TMEM59L: variants seen among roughly 807,000 people sequenced by gnomAD.
TMEM59L encodes transmembrane protein 59 like, also known as transmembrane protein 59-like.
TMEM59L carries 31 observed loss-of-function variants against 39.6 expected under a neutral mutation model. The observed-to-expected ratio is 0.78, with a 90% CI of 0.59 to 1.06. The LOEUF is 1.06. TMEM59L is among the 50% of genes least tolerant of loss of function. TMEM59L has a pLI of 0.00. For missense variants in TMEM59L, 441 were observed against 451.3 expected (o/e 0.98, Z 0.21); for synonymous variants, 219 against 202.9 (o/e 1.08, Z -0.68).
chr19:18,617,677 AGGG>A (rs766648091), intron 5 of TMEM59L: 18 of 440,788 alleles, frequency 4.1e-5, no homozygotes, highest in Non-Finnish European at 5.4e-5. Flanking sequence ...TTCATCTCCC[AGGG>A]TTCTGTGGCC....
intron 5 of TMEM59L, 162 bp downstream of exon 5, chr19:18,617,264 T>C (rs774235577): frequency 1.4e-5 from 10 of 695,528 alleles, no homozygotes; most frequent in Middle Eastern, 2.3e-4. Context: ...CAGGGTTCCA[T>C]GGTCCACCTC....
intron 4 of TMEM59L, 112 bp from the exon 5 acceptor site, chr19:18,616,888 C>T: frequency 3.8e-6 from 3 of 784,216 alleles, no homozygotes; most frequent in Admixed American, 4.6e-5. Flanking sequence ...CCCTGATACC[C>T]AGGGGAACTG....
Position 18,617,007 on chromosome 19 carries a change from C to T in TMEM59L, c.569C>T (p.Pro190Leu). Residue 190 changes from proline (P) to leucine (L), a missense_variant, in exon 5 of 8, where the codon CCC (proline) becomes CTC (leucine). Physicochemically the swap from Pro to Leu is moderately conservative, Grantham distance 98 (BLOSUM62 -3). Transcript: ENST00000262817. ...NGKVVVFQTQ[P>L]IVESLGFQGG... ...GTCTTGTTCCTGGCCCAGACTCAGCCCATAGTGGAGAGCCTCGGCTTCCAG... is the reference window on the plus strand; with the variant it reads ...GTCTTGTTCCTGGCCCAGACTCAGCTCATAGTGGAGAGCCTCGGCTTCCAG... The T allele has an allele frequency of 1.9e-6, 3 of 1,609,892 alleles. No homozygotes were observed. Among genetic ancestry groups the T allele is most frequent in the Non-Finnish European group, 2.5e-6 (3 of 1,177,968 alleles).
chr19:18,617,213 G>T (rs755273190), intron 5 of TMEM59L, 111 bp downstream of exon 5: 4 of 816,496 alleles, frequency 4.9e-6, no homozygotes, highest in Non-Finnish European at 8.3e-6. Flanking sequence ...TCAAGTCCTG[G>T]GTTCCATGGC....
In TMEM59L at chr19:18,620,473, G is replaced by A. The variant is rs768557209; in HGVS notation, c.966G>A (p.Pro322=). The A allele has an allele frequency of 1.2e-5, 20 of 1,613,518 alleles. No individual in the cohort carries two copies. The highest frequency in any genetic ancestry group is 9.9e-5 in the South Asian group (9 of 91,072). Reference sequence around the variant, plus strand: ...CCGATTGGCCCCTGTACCCGCCGCCGTCCCACGCCTGTGAGGACAGCCTAC... The same window carrying A: ...CCGATTGGCCCCTGTACCCGCCGCCATCCCACGCCTGTGAGGACAGCCTAC... ...MEPDWPLYPP[P]SHACEDSLPP... is the part of the protein sequence containing the mutation. Residue 322 remains proline (P), a synonymous_variant, in exon 8 of 8, where the codon CCG becomes CCA. Transcript: ENST00000262817.
At position 18,612,950 on chromosome 19, in the gene TMEM59L, C is replaced by A. The variant is rs1285596483; in HGVS notation, c.-9C>A. On this transcript the variant is annotated 5_prime_UTR_variant, in exon 1 of 8. Transcript: ENST00000262817. The surrounding 1 kb of genome is among the most constrained non-coding windows in gnomAD (Gnocchi z 6.2). ...GGAGTCCCCCGCGCCCCCCGCGTTC[C>A]GCCCGGCCATGGCTGCGGTGGCGCT... is the stretch of plus-strand genomic sequence containing the variant. The A allele has an allele frequency of 1.5e-6, 2 of 1,300,604 alleles. No homozygotes were observed. Among genetic ancestry groups the A allele is most frequent in the Non-Finnish European group, 1.9e-6 (2 of 1,029,040 alleles). The allele number at this position is 1,300,604 out of a possible 1,614,324, so 80.6% of individuals were successfully genotyped here.
At chr19:18,616,148 C>T in intron 4 of TMEM59L, 21 bp downstream of exon 4, 1 of 1,612,840 alleles carries the variant, frequency 6.2e-7, no homozygotes, top group South Asian at 1.1e-5. Context: ...TGACAGGGGC[C>T]ACGCCAGAGT....
At position 18,618,378 on chromosome 19, in the gene TMEM59L, C is replaced by T. The variant is rs753939578; in HGVS notation, c.786C>T (p.Arg262=). 5.6e-6 allele frequency: 9 copies of T among 1,605,076 alleles called. No homozygotes were observed. Among genetic ancestry groups the T allele is most frequent in the Admixed American group, 3.4e-5 (2 of 59,486 alleles). Residue 262 remains arginine (R), a synonymous_variant, in exon 7 of 8, where the codon CGC becomes CGT. Coordinates refer to ENST00000262817, the MANE Select transcript of TMEM59L (RefSeq NM_012109.3). ...TGGTGCCTGCCGGGCGGGGCAGGCG[C>T]TCGGGTCTGCCTCGCTGGATCCTGG... ...DNDFLSCMSR[R]SGLPRWILAC... is the part of the protein sequence containing the mutation.
rs972756700 is a variant in TMEM59L, at chr19:18,620,555, A to C, written c.*19A>C. 6.2e-7 allele frequency: 1 copy of C among 1,610,634 alleles called. No individual in the cohort carries two copies. Among genetic ancestry groups the C allele is most frequent in the African/African-American group, 1.3e-5 (1 of 74,986 alleles). ...GCTGTAGGCCTCCACTGGCCCCATC[A>C]CTGCCAACTGCAGGGGGCCCCTCGG... On this transcript the variant is annotated 3_prime_UTR_variant, in exon 8 of 8. Coordinates refer to ENST00000262817, the MANE Select transcript of TMEM59L (RefSeq NM_012109.3).
chr19:18,613,293 C>CTG (rs1976390444), intron 1 of TMEM59L, among the ~76,000 whole-genome samples, 164 bp downstream of exon 1: 1 of 152,074 alleles, frequency 6.6e-6, no homozygotes, highest in South Asian at 2.1e-4. Flanking sequence ...AGTTGACGGG[C>CTG]TGGGGTTCCC....
Position 18,617,045 on chromosome 19 carries a change from C to T in TMEM59L, c.607C>T (p.Gln203Ter), listed in dbSNP as rs1976435811. The T allele has an allele frequency of 6.2e-7, 1 of 1,613,082 alleles. No homozygotes were observed. Among genetic ancestry groups the T allele is most frequent in the East Asian group, 2.2e-5 (1 of 44,890 alleles). The change falls in exon 5 of 8, where the codon CAG becomes TAG. Residue 203 changes from glutamine (Q) to a stop codon, truncating the protein, a stop_gained. Transcript: ENST00000262817. LOFTEE classifies it high-confidence loss of function. ...CCTCGGCTTCCAGGGGGGCCGTCTG[C>T]AGCGCGTGGAGGTGACCTGGCGAGG... ...ESLGFQGGRL[Q>*]RVEVTWRGSH...
At chr19:18,614,800 G>C (rs1976410589) in intron 3 of TMEM59L, among the ~76,000 whole-genome samples, 1 of 152,208 alleles carries the variant, frequency 6.6e-6, no homozygotes, top group Admixed American at 6.5e-5. Context: ...TCCAAGCAAT[G>C]CTGCATCATG....
Position 18,620,558 on chromosome 19 carries a change from G to A in TMEM59L, c.*22G>A. On this transcript the variant is annotated 3_prime_UTR_variant, in exon 8 of 8. Transcript: ENST00000262817. ...GTAGGCCTCCACTGGCCCCATCACTGCCAACTGCAGGGGGCCCCTCGGGCC... is the reference window on the plus strand; with the variant it reads ...GTAGGCCTCCACTGGCCCCATCACTACCAACTGCAGGGGGCCCCTCGGGCC... The A allele has an allele frequency of 6.2e-7, 1 of 1,610,024 alleles. No individual in the cohort carries two copies.
chr19:18,614,262 AT>A, intron 3 of TMEM59L, 67 bp downstream of exon 3: 1 of 1,503,742 alleles, frequency 6.7e-7, no homozygotes, highest in South Asian at 1.2e-5. Flanking sequence ...CCCGTGGGAA[AT>A]CTTCATTCAC....
rs781662682 is a variant in TMEM59L, at chr19:18,617,024, G to A, written c.586G>A (p.Gly196Ser). 2.0e-5 allele frequency: 32 copies of A among 1,612,306 alleles called. No individual in the cohort carries two copies. Among genetic ancestry groups the A allele is most frequent in the African/African-American group, 2.7e-5 (2 of 74,870 alleles). ...GACTCAGCCCATAGTGGAGAGCCTC[G>A]GCTTCCAGGGGGGCCGTCTGCAGCG... ...FQTQPIVESLGFQGGRLQRVE... is the reference protein window; with the variant it reads ...FQTQPIVESLSFQGGRLQRVE... Residue 196 changes from glycine to serine, a missense_variant, in exon 5 of 8, where the codon GGC becomes AGC. Gly to Ser is a moderately conservative substitution (Grantham distance 56). Transcript: ENST00000262817.
intron 3 of TMEM59L, among the ~76,000 whole-genome samples, chr19:18,615,436 A>C (rs1213883731): frequency 6.6e-6 from 1 of 152,254 alleles, no homozygotes; most frequent in East Asian, 1.9e-4. Context: ...ATGAAGGAAG[A>C]GAACGATACC....
chr19:18,620,480 G>T lies in TMEM59L; in HGVS notation c.973G>T (p.Ala325Ser), dbSNP rs770972371. ...DWPLYPPPSH[A>S]CEDSLPPYKL... is the part of the protein sequence containing the mutation. Reference sequence around the variant, plus strand: ...GCCCCTGTACCCGCCGCCGTCCCACGCCTGTGAGGACAGCCTACCACCCTA... The same window carrying T: ...GCCCCTGTACCCGCCGCCGTCCCACTCCTGTGAGGACAGCCTACCACCCTA... The change falls in exon 8 of 8, where the codon GCC becomes TCC. Residue 325 changes from alanine (A) to serine (S), a missense_variant. Physicochemically the swap from Ala to Ser is moderately conservative, Grantham distance 99. Coordinates refer to ENST00000262817, the MANE Select transcript of TMEM59L (RefSeq NM_012109.3). The T allele has an allele frequency of 1.2e-6, 2 of 1,613,628 alleles. No individual in the cohort carries two copies. Among genetic ancestry groups the T allele is most frequent in the Middle Eastern group, 1.7e-4 (1 of 6,058 alleles).
chr19:18,615,741 G>A (rs1307897699), intron 3 of TMEM59L, among the ~76,000 whole-genome samples: 2 of 152,204 alleles, frequency 1.3e-5, no homozygotes, highest in Non-Finnish European at 2.9e-5. Flanking sequence ...TGGAGTAGCT[G>A]AGATTCCAGG....
At chr19:18,619,803 CAA>C (rs1157288604) in intron 7 of TMEM59L, among the ~76,000 whole-genome samples, 13 of 78,968 alleles carry the variant, frequency 1.6e-4, no homozygotes, top group East Asian at 3.6e-4. Flanking sequence ...GACTCCATCT[CAA>C]AAAAAAAAAA....
Sources: allele counts gnomAD v4.1 joint callset (sites outside exome capture counted in the v4.1 genomes callset), GRCh38; gene constraint gnomAD v4.1.1; non-coding constraint Gnocchi (gnomAD v3.1); transcripts MANE v1.5; gene names NCBI Gene and HGNC (gene_info 2026-07-23, HGNC 2026-07-21).